MTA3: variants seen among roughly 807,000 people sequenced by gnomAD.
MTA3 encodes metastasis-associated protein MTA3.
In MTA3, 34 loss-of-function variants were observed where a neutral mutation model predicts 83.5. That is an observed-to-expected ratio of 0.41 (90% CI 0.31 to 0.54). The LOEUF (loss-of-function observed/expected upper bound fraction) is 0.54. MTA3 is among the 20% of genes least tolerant of loss of function. The pLI, the probability that MTA3 is intolerant of heterozygous loss-of-function variation, is 0.33. For missense variants in MTA3, 761 were observed against 726.4 expected, an observed-to-expected ratio of 1.05 and a Z score of -0.55; for synonymous variants, 303 against 252.7, an observed-to-expected ratio of 1.20 and a Z score of -1.89.
chr2:42,630,529 A>G (rs539001616), intron 4 of MTA3, among the ~76,000 whole-genome samples: 1 of 152,166 alleles, frequency 6.6e-6, no homozygotes. Context: ...GTAAATTATG[A>G]TGCTTTTATG....
intron 16 of MTA3, among the ~76,000 whole-genome samples, chr2:42,728,796 A>G (rs1008554043): frequency 2.6e-5 from 4 of 152,044 alleles, no homozygotes; most frequent in African/African-American, 9.7e-5. Flanking sequence ...CCCATTTTTA[A>G]TCAGATTATT....
At chr2:42,567,198 A>C (rs1283326432), upstream of MTA3, among the ~76,000 whole-genome samples, 1 of 152,248 alleles carries the variant, frequency 6.6e-6, no homozygotes, top group African/African-American at 2.4e-5. Flanking sequence ...TCCCTGGTTT[A>C]CAAAGCATTT....
At chr2:42,558,396 A>T (rs886838636) in intron 2 of MTA3, among the ~76,000 whole-genome samples, 1 of 151,664 alleles carries the variant, frequency 6.6e-6, no homozygotes, top group African/African-American at 2.4e-5. Flanking sequence ...GACTAAAGGC[A>T]TGTGCCACCA....
chr2:42,500,237 C>T (rs745762902), intron 2 of MTA3, among the ~76,000 whole-genome samples: 1 of 152,000 alleles, frequency 6.6e-6, no homozygotes, highest in Admixed American at 6.6e-5. Context: ...CATCTGTACT[C>T]AAAATACAAA....
At chr2:42,669,449 A>G (rs1380747196) in intron 8 of MTA3, among the ~76,000 whole-genome samples, 1 of 152,176 alleles carries the variant, frequency 6.6e-6, no homozygotes, top group Non-Finnish European at 1.5e-5. Flanking sequence ...TAGACTTCAA[A>G]ATGGACATAA....
chr2:42,728,577 G>A (rs1258604162), intron 16 of MTA3, among the ~76,000 whole-genome samples: 1 of 152,146 alleles, frequency 6.6e-6, no homozygotes, highest in Non-Finnish European at 1.5e-5. Context: ...CCCACCAACA[G>A]TGTATGAGGG....
At chr2:42,533,559 C>T (rs577422247) in intron 2 of MTA3, 6 of 141,712 alleles carry the variant, frequency 4.2e-5, no homozygotes, top group East Asian at 2.1e-4. Context: ...AAAGGCCTGG[C>T]GCAGTGGCTC....
At chr2:42,516,320 T>C (rs1006888703) in intron 2 of MTA3, among the ~76,000 whole-genome samples, 1 of 152,186 alleles carries the variant, frequency 6.6e-6, no homozygotes, top group African/African-American at 2.4e-5. Context: ...AGAGTAGAGA[T>C]AAATTATAAA....
intron 2 of MTA3, among the ~76,000 whole-genome samples, chr2:42,541,984 G>T (rs1249519511): frequency 2.0e-5 from 3 of 152,176 alleles, no homozygotes; most frequent in Non-Finnish European, 4.4e-5. Context: ...TTGAAATCTA[G>T]AACTAGAGGG....
intron 12 of MTA3, among the ~76,000 whole-genome samples, chr2:42,707,635 C>G (rs1666221046): frequency 6.6e-6 from 1 of 152,090 alleles, no homozygotes; most frequent in South Asian, 2.1e-4. Flanking sequence ...AACAAAAACT[C>G]CCTCAGCAGC....
At chr2:42,686,044 T>C (rs964764636) in intron 9 of MTA3, among the ~76,000 whole-genome samples, 4 of 152,200 alleles carry the variant, frequency 2.6e-5, no homozygotes, top group African/African-American at 9.7e-5. Flanking sequence ...GGGCCTCCTC[T>C]GCTTAAATAC....
intron 2 of MTA3, among the ~76,000 whole-genome samples, chr2:42,504,019 G>A (rs1292739302): frequency 6.7e-6 from 1 of 150,364 alleles, no homozygotes; most frequent in African/African-American, 2.5e-5. Flanking sequence ...CACCTCCCGG[G>A]TTCAAGCGAT....
chr2:42,741,709 A>T (rs1223782763), intron 16 of MTA3, among the ~76,000 whole-genome samples: 1 of 152,212 alleles, frequency 6.6e-6, no homozygotes, highest in East Asian at 1.9e-4. Context: ...TCAAGAAAGA[A>T]CACACACATT....
At chr2:42,503,457 C>A (rs1370551468) in intron 2 of MTA3, among the ~76,000 whole-genome samples, 2 of 152,158 alleles carry the variant, frequency 1.3e-5, no homozygotes, top group Admixed American at 6.6e-5. Flanking sequence ...GAATGCCTAA[C>A]CGTCTGGGAA....
At chr2:42,521,642 A>G (rs1455789433) in intron 2 of MTA3, among the ~76,000 whole-genome samples, 1 of 152,086 alleles carries the variant, frequency 6.6e-6, no homozygotes, top group Non-Finnish European at 1.5e-5. Flanking sequence ...CTCTCAAAAT[A>G]GGCAGAGCCC....
At chr2:42,743,936 C>G (rs1669222741) in intron 16 of MTA3, among the ~76,000 whole-genome samples, 1 of 152,176 alleles carries the variant, frequency 6.6e-6, no homozygotes, top group African/African-American at 2.4e-5. Flanking sequence ...TTTCAAAAGA[C>G]TGCAGTTTTA....
rs1268460621 is a variant in MTA3 at position 42,570,426 on chromosome 2, T to A, written c.29-11T>A. ...TAAAAAGATTAAGTTCTGTACTTCC[T>A]TTAATTACAGATTATGTCTACTTTG... On this transcript the variant is annotated splice_polypyrimidine_tract_variant and intron_variant, in intron 1 of 16. Transcript: ENST00000405094. 1 of 1,490,800 alleles carries A rather than the reference T, an allele frequency of 6.7e-7. No individual in the cohort carries two copies. Among genetic ancestry groups the A allele is most frequent in the Admixed American group, 2.1e-5 (1 of 48,008 alleles). 92.3% of individuals were successfully genotyped at this position (1,490,800 alleles called of 1,614,324 possible).
At chr2:42,635,234 G>A (rs74770214) in intron 4 of MTA3, among the ~76,000 whole-genome samples, 4,825 of 152,098 alleles carry the variant, frequency 0.032, 97 homozygotes, top group Non-Finnish European at 0.049. Flanking sequence ...TGTTCATTGT[G>A]TTCATTGTGT....
chr2:42,547,698 T>TCCTAA lies in MTA3; in HGVS notation c.-140-22739_-140-22738insCCTAA, dbSNP rs1472562561. 2.6e-5 allele frequency among the ~76,000 whole-genome samples: 4 copies of TCCTAA among 152,358 alleles called. No homozygotes were observed. In the East Asian group the frequency reaches 7.7e-4, roughly 29 times the overall value. ...CTGGGACTGGCCAAGACTTAGCTATTGTTACAGGCGCATACTCCTAAATTA... is the reference window on the plus strand; with the variant it reads ...CTGGGACTGGCCAAGACTTAGCTATTCCTAAGTTACAGGCGCATACTCCTAAATTA... On this transcript the variant is annotated intron_variant, in intron 2 of 17. Coordinates refer to the MTA3 transcript ENST00000405592.
Sources: gnomAD v4.1 joint callset for allele counts (sites outside exome capture counted in the v4.1 genomes callset) on GRCh38, gnomAD v4.1.1 for gene constraint, MANE v1.5 for transcripts, NCBI Gene and HGNC (gene_info 2026-07-23, HGNC 2026-07-21) for gene names.